The following DMD variants were observed in gnomAD, a reference collection of about 807,000 sequenced individuals.
DMD encodes the protein mutant dystrophin.
Under a neutral mutation model 330.1 loss-of-function variants are expected in DMD, and 63 were observed. The ratio of observed to expected loss-of-function variants is 0.19; its 90% CI spans 0.16 to 0.24. The LOEUF (loss-of-function observed/expected upper bound fraction) is 0.24, where lower values mean the gene tolerates loss of function less well. Among genes scored for constraint, DMD ranks in the 10% least tolerant of loss-of-function variants. The pLI is 1.00. For synonymous variants in DMD, 1,223 were observed against 959.8 expected, an observed-to-expected ratio of 1.27 and a Z score of -5.07; for missense variants, 3,344 against 2,684.1, an observed-to-expected ratio of 1.25 and a Z score of -5.43.
intron 52 of DMD, among the ~76,000 whole-genome samples, chrX:31,710,039 G>C (rs1343431472): frequency 1.8e-5 from 2 of 111,901 alleles, no homozygotes; most frequent in Admixed American, 9.5e-5. Context: ...TGGGGAGCTT[G>C]TTATAAATAC....
chrX:31,553,405 T>G, intron 55 of DMD, among the ~76,000 whole-genome samples: 1 of 111,986 alleles, frequency 8.9e-6, no homozygotes, highest in Non-Finnish European at 1.9e-5. Context: ...TGGAAGTAGA[T>G]AACTATTAGG....
intron 7 of DMD, among the ~76,000 whole-genome samples, chrX:32,700,048 CACATAT>C (rs1313286525): frequency 2.7e-5 from 3 of 111,339 alleles, no homozygotes; most frequent in African/African-American, 9.8e-5. Flanking sequence ...TTTGTAATAA[CACATAT>C]AAAGTGGCAG....
intron 16 of DMD, among the ~76,000 whole-genome samples, chrX:32,560,356 T>G (rs1003162931): frequency 5.4e-5 from 6 of 111,165 alleles, no homozygotes; most frequent in Non-Finnish European, 1.1e-4. Context: ...ACAGCACATG[T>G]GATTTCAGTC....
intron 57 of DMD, among the ~76,000 whole-genome samples, chrX:31,485,767 T>C (rs749202992): frequency 8.9e-6 from 1 of 112,200 alleles, no homozygotes; most frequent in Non-Finnish European, 1.9e-5. Context: ...AACACAGATG[T>C]CTTTCAATCA....
intron 45 of DMD, among the ~76,000 whole-genome samples, chrX:31,950,226 A>C (rs1603617628): frequency 9.0e-6 from 1 of 111,597 alleles, no homozygotes; most frequent in East Asian, 2.8e-4. Context: ...AATATTTTAT[A>C]ATTTCCTATG....
chrX:31,900,364 T>C (rs1017782835), intron 47 of DMD, among the ~76,000 whole-genome samples: 1 of 110,898 alleles, frequency 9.0e-6, no homozygotes, highest in Non-Finnish European at 1.9e-5. Flanking sequence ...CTAGTGATTG[T>C]GAATAAGTCT....
intron 9 of DMD, among the ~76,000 whole-genome samples, chrX:32,652,480 G>T (rs903902633): frequency 9.1e-6 from 1 of 109,981 alleles, no homozygotes; most frequent in Non-Finnish European, 1.9e-5. Context: ...CCTGTTTTAT[G>T]GCTGCATAGT....
chrX:33,299,711 T>C (rs1263186422), intron 1 of DMD, among the ~76,000 whole-genome samples: 1 of 112,144 alleles, frequency 8.9e-6, no homozygotes. Flanking sequence ...TGGTAGATGT[T>C]TTACATTGTC....
chrX:32,288,837 G>A (rs917079075), intron 42 of DMD, among the ~76,000 whole-genome samples: 21 of 111,565 alleles, frequency 1.9e-4, no homozygotes, highest in African/African-American at 5.9e-4. Context: ...TATTAGTCTC[G>A]TCAGCTGTTT....
chrX:32,478,593 T>A (rs979954522), intron 21 of DMD, among the ~76,000 whole-genome samples: 1 of 112,020 alleles, frequency 8.9e-6, no homozygotes, highest in African/African-American at 3.2e-5. Flanking sequence ...GAGTATAACT[T>A]GAATTTCTAA....
intron 1 of DMD, among the ~76,000 whole-genome samples, chrX:33,100,513 G>A (rs932717938): frequency 9.0e-6 from 1 of 110,749 alleles, no homozygotes; most frequent in Non-Finnish European, 1.9e-5. Context: ...CCAAAATGGC[G>A]AAACCCCATC....
chrX:31,932,487 T>A (rs1205274467), intron 45 of DMD, among the ~76,000 whole-genome samples: 1 of 112,227 alleles, frequency 8.9e-6, no homozygotes, highest in East Asian at 2.8e-4. Flanking sequence ...GGCTCATGCC[T>A]GTAACCCTAG....
intron 43 of DMD, among the ~76,000 whole-genome samples, chrX:32,217,315 G>A (rs1021511629): frequency 2.7e-5 from 3 of 111,113 alleles, no homozygotes; most frequent in East Asian, 2.8e-4. Context: ...CCTTTAAAAT[G>A]AATATATTTA....
At chrX:32,629,842 C>T (rs1458175541) in intron 11 of DMD, among the ~76,000 whole-genome samples, 1 of 109,364 alleles carries the variant, frequency 9.1e-6, no homozygotes, top group Admixed American at 9.7e-5. Flanking sequence ...TCCCCCCACT[C>T]TTTTTGTTGT....
chrX:32,822,467 C>A (rs1193184583), intron 5 of DMD, among the ~76,000 whole-genome samples: 2 of 109,166 alleles, frequency 1.8e-5, no homozygotes, highest in Non-Finnish European at 3.8e-5. Context: ...GATATAAGTT[C>A]ATGTATGATT....
intron 13 of DMD, among the ~76,000 whole-genome samples, chrX:32,574,834 T>A (rs752379041): frequency 7.2e-5 from 8 of 111,267 alleles, no homozygotes; most frequent in Non-Finnish European, 1.5e-4. Context: ...TTAACCCACC[T>A]AGAGGATATT....
intron 47 of DMD, among the ~76,000 whole-genome samples, chrX:31,877,871 G>A (rs780319063): frequency 1.8e-5 from 2 of 111,714 alleles, no homozygotes; most frequent in East Asian, 2.8e-4. Flanking sequence ...TGTAAAAAGC[G>A]TTTTACAGCT....
chrX:31,188,776 A>G (rs1418584735), intron 67 of DMD, among the ~76,000 whole-genome samples: 2 of 111,930 alleles, frequency 1.8e-5, no homozygotes, highest in Admixed American at 9.5e-5. Flanking sequence ...GCAACTATCC[A>G]TAACAGAAAA....
At chrX:32,617,346 C>T (rs901571449) in intron 11 of DMD, among the ~76,000 whole-genome samples, 3 of 111,519 alleles carry the variant, frequency 2.7e-5, no homozygotes, top group Non-Finnish European at 5.7e-5. Context: ...GTAACCAAGA[C>T]AGCATTGTAT....
Sources: allele counts gnomAD v4.1 joint callset (sites outside exome capture counted in the v4.1 genomes callset), GRCh38; gene constraint gnomAD v4.1.1; transcripts MANE v1.5; gene names NCBI Gene and HGNC (gene_info 2026-07-23, HGNC 2026-07-21).